The following PTDSS1 variants were observed in gnomAD, a reference collection of about 807,000 sequenced individuals.
PTDSS1 encodes the protein PSS-1.
In PTDSS1, 45 loss-of-function variants were observed where a neutral mutation model predicts 70.5. The ratio of observed to expected loss-of-function variants is 0.64; its 90% confidence interval spans 0.50 to 0.82. The LOEUF (loss-of-function observed/expected upper bound fraction) is 0.82. Ranked by LOEUF, PTDSS1 falls within the 40% of genes least tolerant of loss-of-function variation. The probability of loss-of-function intolerance (pLI) is 0.00; values close to 1 mark genes in which losing one functional copy is unlikely to be tolerated. For synonymous variants in PTDSS1, 188 were observed against 203.8 expected, an observed-to-expected ratio of 0.92 and a Z score of 0.66; for missense variants, 417 against 586.1, an observed-to-expected ratio of 0.71 and a Z score of 2.98.
rs2129975145 is a variant in PTDSS1 at position 96,262,987 on chromosome 8, C to T, written c.179+768C>T. Among the ~76,000 whole-genome samples, 1 of 152,314 alleles carries T rather than the reference C, an allele frequency of 6.6e-6. No homozygotes were observed. The highest frequency in any genetic ancestry group is 1.9e-4 in the East Asian group (1 of 5,184). ...CCCGCCACACATCACGCGGTGCATA[C>T]CCTGCTCACTCATTACCTAACATAC... On this transcript the variant is annotated intron_variant, in intron 1 of 12. Transcript: ENST00000517309. This position sits in a 1 kb window ranked among gnomAD's most constrained non-coding sequence, Gnocchi z 4.4.
In PTDSS1 at chr8:96,261,969, C is replaced by A; in HGVS notation, c.-72C>A. 3 of 1,490,414 alleles carry A rather than the reference C, an allele frequency of 2.0e-6. No individual in the cohort carries two copies. The highest frequency in any genetic ancestry group is 1.8e-6 in the Non-Finnish European group (2 of 1,101,552). The allele number at this position is 1,490,414 out of a possible 1,614,324, so 92.3% of individuals were successfully genotyped here. On this transcript the variant is annotated 5_prime_UTR_variant, in exon 1 of 13. Coordinates refer to ENST00000517309, the MANE Select transcript of PTDSS1 (RefSeq NM_014754.3). ...CCGTCCGGCTATTAGCCTACTGTGG[C>A]TAGTCACCCCCGGGGTCCCGGCCTT...
intron 2 of PTDSS1, among the ~76,000 whole-genome samples, chr8:96,276,978 GCGCACACACACACA>G (rs1314694113): frequency 1.5e-5 from 2 of 129,634 alleles, no homozygotes. Context: ...GCGCACGCGC[GCGCACACACACACA>G]CACACACACA....
intron 10 of PTDSS1, among the ~76,000 whole-genome samples, chr8:96,325,825 A>C (rs930723816): frequency 3.9e-5 from 6 of 152,190 alleles, no homozygotes; most frequent in Non-Finnish European, 7.4e-5. Flanking sequence ...AAGATAGAGG[A>C]AAGTTATGGG....
At chr8:96,313,797 C>G (rs1811246121) in intron 9 of PTDSS1, among the ~76,000 whole-genome samples, 1 of 152,222 alleles carries the variant, frequency 6.6e-6, no homozygotes, top group Admixed American at 6.5e-5. Flanking sequence ...CTCTGCTGCT[C>G]TCCAAGGTCA....
intron 11 of PTDSS1, chr8:96,330,785 T>G (rs1307800246): frequency 2.0e-6 from 1 of 506,182 alleles, no homozygotes; most frequent in Non-Finnish European, 3.5e-6. Flanking sequence ...TTTCATCCTT[T>G]ATTTACACCT....
chr8:96,285,983 C>T (rs1236460535), intron 3 of PTDSS1, among the ~76,000 whole-genome samples: 1 of 152,102 alleles, frequency 6.6e-6, no homozygotes, highest in Non-Finnish European at 1.5e-5. Context: ...CCCTAGGATG[C>T]ACAATTATGG....
chr8:96,262,270 CGGGAGGGAGGGTGGCG>C lies in PTDSS1; in HGVS notation c.179+59_179+74del. 3.6e-6 allele frequency: 1 copy of C among 280,068 alleles called. No individual in the cohort carries two copies. The highest frequency in any genetic ancestry group is 3.0e-5 in the African/African-American group (1 of 33,402). The allele number at this position is 280,068 out of a possible 1,614,324, so 17.3% of individuals were successfully genotyped here. The stretch of plus-strand genomic sequence containing the variant: ...GCGCGTCCAAGGGCTAGGGAAGAGG[CGGGAGGGAGGGTGGCG>C]GGGAGGGGGGCCCGGCATGGCTCTG... On this transcript the variant is annotated intron_variant, in intron 1 of 12. Transcript: ENST00000517309. This position sits in a 1 kb window ranked among gnomAD's most constrained non-coding sequence, Gnocchi z 4.4.
intron 4 of PTDSS1, 57 bp downstream of exon 4, chr8:96,287,203 G>A (rs1810835697): frequency 1.3e-6 from 2 of 1,582,220 alleles, no homozygotes; most frequent in Non-Finnish European, 1.7e-6. Context: ...TTGGGTGTAA[G>A]AGGTAATAGA....
intron 7 of PTDSS1, among the ~76,000 whole-genome samples, chr8:96,305,735 C>T (rs1476421989): frequency 2.0e-5 from 3 of 152,072 alleles, no homozygotes; most frequent in African/African-American, 4.8e-5. Flanking sequence ...AGTTGGAGTG[C>T]AATGGCGTGA....
At chr8:96,318,319 A>AT (rs1279623019) in intron 9 of PTDSS1, among the ~76,000 whole-genome samples, 1 of 115,698 alleles carries the variant, frequency 8.6e-6, no homozygotes, top group Non-Finnish European at 1.9e-5. Flanking sequence ...GCTAGACTCT[A>AT]TTTAAAAAAA....
rs1439134175 is a variant in PTDSS1, at chr8:96,334,138, G to A, written c.*572G>A. The A allele has an allele frequency of 1.9e-5, 5 of 267,894 alleles. No individual in the cohort carries two copies. The highest frequency in any genetic ancestry group is 7.0e-6 in the Non-Finnish European group (1 of 142,206). 16.6% of individuals were successfully genotyped at this position (267,894 alleles called of 1,614,324 possible). On this transcript the variant is annotated 3_prime_UTR_variant, in exon 13 of 13. Transcript: ENST00000517309. The stretch of plus-strand genomic sequence containing the variant: ...GGGGGAAGGGTTCCCCTTCCTTCTA[G>A]AGCAGAAAAGGGAGAGAGGTGTTGT...
Position 96,284,339 on chromosome 8 carries a change from C to T in PTDSS1, c.316+186C>T, listed in dbSNP as rs16894421. Among the ~76,000 whole-genome samples, 12,987 of 152,214 alleles carry T rather than the reference C, an allele frequency of 0.085. 1,780 individuals are homozygous for T. The highest frequency in any genetic ancestry group is 0.29 in the African/African-American group (11,879 of 41,488). On this transcript the variant is annotated intron_variant, in intron 3 of 12. Coordinates refer to ENST00000517309, the MANE Select transcript of PTDSS1 (RefSeq NM_014754.3). ...ACACAAAATAAAGTGTTGAGGATGACTTAAATTCTCTTACACATGAACTGT... is the reference window on the plus strand; with the variant it reads ...ACACAAAATAAAGTGTTGAGGATGATTTAAATTCTCTTACACATGAACTGT...
chr8:96,287,352 G>C, intron 4 of PTDSS1: 1 of 586,012 alleles, frequency 1.7e-6, no homozygotes, highest in Non-Finnish European at 2.9e-6. Context: ...TTACGCAAAG[G>C]GGTCTGTGAG....
At chr8:96,274,142 ATTT>A (rs905402341) in intron 2 of PTDSS1, among the ~76,000 whole-genome samples, 1 of 135,576 alleles carries the variant, frequency 7.4e-6, no homozygotes, top group Non-Finnish European at 1.6e-5. Context: ...CTTGTCTTCT[ATTT>A]TTTTTTTTTT....
At chr8:96,307,899 T>G (rs1407524079) in intron 8 of PTDSS1, among the ~76,000 whole-genome samples, 1 of 152,218 alleles carries the variant, frequency 6.6e-6, no homozygotes, top group East Asian at 1.9e-4. Flanking sequence ...CGTTTTGAAC[T>G]TTTGAGAGAT....
At position 96,330,298 on chromosome 8, in the gene PTDSS1, A is replaced by C. The variant is rs928683671; in HGVS notation, c.1242+17A>C. Reference sequence around the variant, plus strand: ...CGAGAAAAGGTATGGAAGGAGAGGCAGGCATGGCCATTGTTTAAAATAATC... The same window carrying C: ...CGAGAAAAGGTATGGAAGGAGAGGCCGGCATGGCCATTGTTTAAAATAATC... On this transcript the variant is annotated intron_variant, in intron 11 of 12. Coordinates refer to ENST00000517309, the MANE Select transcript of PTDSS1 (RefSeq NM_014754.3). The C allele has an allele frequency of 6.3e-7, 1 of 1,598,532 alleles. No homozygotes were observed. Among genetic ancestry groups the C allele is most frequent in the Non-Finnish European group, 8.6e-7 (1 of 1,167,894 alleles).
At chr8:96,292,995 T>C (rs918724996) in intron 4 of PTDSS1, among the ~76,000 whole-genome samples, 1 of 152,212 alleles carries the variant, frequency 6.6e-6, no homozygotes, top group Non-Finnish European at 1.5e-5. Flanking sequence ...ATAGTTGGGC[T>C]GGAGACCTGG....
chr8:96,289,214 C>T (rs1366126242), intron 4 of PTDSS1, among the ~76,000 whole-genome samples: 1 of 152,202 alleles, frequency 6.6e-6, no homozygotes, highest in African/African-American at 2.4e-5. Flanking sequence ...GTGTGAGCCA[C>T]TGCACCCAGA....
At position 96,331,574 on chromosome 8, in the gene PTDSS1, C is replaced by CA. The variant is rs1286667823; in HGVS notation, c.1312+492dup. Among the ~76,000 whole-genome samples the CA allele has an allele frequency of 6.1e-3, 748 of 122,670 alleles. 4 individuals are homozygous for CA. The highest frequency in any genetic ancestry group is 0.017 in the African/African-American group (580 of 33,594). The allele number at this position is 122,670 out of a possible 152,430, so 80.5% of individuals were successfully genotyped here. On this transcript the variant is annotated intron_variant, in intron 12 of 12. Transcript: ENST00000517309. Reference sequence around the variant, plus strand: ...TCGGCAGCAGAGTAAGACTCTGTCTCAAAAAAAAAAAAAGAAAAGAAAAGA... The same window carrying CA: ...TCGGCAGCAGAGTAAGACTCTGTCTCAAAAAAAAAAAAAAGAAAAGAAAAGA...
Sources: gnomAD v4.1 joint callset for allele counts (sites outside exome capture counted in the v4.1 genomes callset) on GRCh38, gnomAD v4.1.1 for gene constraint, Gnocchi (gnomAD v3.1) non-coding constraint, MANE v1.5 for transcripts, NCBI Gene and HGNC (gene_info 2026-07-23, HGNC 2026-07-21) for gene names.